PPP6C: variants seen among roughly 807,000 people sequenced by gnomAD.
The protein encoded by PPP6C is protein phosphatase 6 catalytic subunit.
PPP6C carries 11 observed loss-of-function variants against 39.8 expected under a neutral mutation model. That is an observed-to-expected ratio of 0.28 (90% CI 0.17 to 0.46). The LOEUF (loss-of-function observed/expected upper bound fraction) is 0.46. PPP6C is among the 20% of genes least tolerant of loss of function. PPP6C has a pLI of 1.00. For synonymous variants in PPP6C, 129 were observed against 130.3 expected, an observed-to-expected ratio of 0.99 and a Z score of 0.07; for missense variants, 211 against 373.9, an observed-to-expected ratio of 0.56 and a Z score of 3.59.
Position 125,153,027 on chromosome 9 carries a change from C to T in PPP6C, c.669+506G>A, listed in dbSNP as rs1564145788. On this transcript the variant is annotated intron_variant, in intron 6 of 6. Transcript: ENST00000373547. The stretch of plus-strand genomic sequence containing the variant: ...GTGGCTCACACCTATAATCCCAGCA[C>T]TTTGGGAGGCTGAGGCGGGTGGATC... Among the ~76,000 whole-genome samples the T allele has an allele frequency of 2.0e-5, 3 of 151,910 alleles. No individual in the cohort carries two copies. In the South Asian group the frequency reaches 6.2e-4, roughly 31 times the overall value.
intron 2 of PPP6C, among the ~76,000 whole-genome samples, chr9:125,166,776 T>C (rs925188288): frequency 2.6e-5 from 4 of 151,894 alleles, no homozygotes; most frequent in African/African-American, 9.7e-5. Flanking sequence ...TCAGGTGATC[T>C]GGTGCTGGGA....
chr9:125,154,384 A>C (rs1836020083), intron 4 of PPP6C, among the ~76,000 whole-genome samples: 1 of 152,200 alleles, frequency 6.6e-6, no homozygotes, highest in African/African-American at 2.4e-5. Context: ...ATAGTAACAC[A>C]ATGGTAAGTA....
At chr9:125,162,863 A>G (rs928223225) in intron 2 of PPP6C, among the ~76,000 whole-genome samples, 1 of 151,920 alleles carries the variant, frequency 6.6e-6, no homozygotes, top group African/African-American at 2.4e-5. Context: ...GGATCACCTG[A>G]GGTCAGGAGT....
At position 125,149,573 on chromosome 9, in the gene PPP6C, G is replaced by T; in HGVS notation, c.*100C>A. ...AAAAAAGGCAAGAGGCAGCATTTCA[G>T]CAGCAAAGTGCTCAATAAAAAGTAT... On this transcript the variant is annotated 3_prime_UTR_variant, in exon 7 of 7. Coordinates refer to ENST00000373547, the MANE Select transcript of PPP6C (RefSeq NM_002721.5). 2.3e-6 allele frequency: 3 copies of T among 1,312,452 alleles called. No individual in the cohort carries two copies. The highest frequency in any genetic ancestry group is 3.1e-6 in the Non-Finnish European group (3 of 974,022). The allele number at this position is 1,312,452 out of a possible 1,614,324, so 81.3% of individuals were successfully genotyped here. A position where few individuals can be genotyped will look rare whatever the true frequency, so the allele number is the denominator to read the frequency against.
At chr9:125,178,229 C>A (rs1417664436) in intron 1 of PPP6C, among the ~76,000 whole-genome samples, 1 of 152,124 alleles carries the variant, frequency 6.6e-6, no homozygotes, top group Admixed American at 6.6e-5. Flanking sequence ...ACTGCCAAAC[C>A]GTCTTCCAAA....
chr9:125,158,121 T>C, intron 4 of PPP6C, 120 bp downstream of exon 4: 2 of 996,396 alleles, frequency 2.0e-6, no homozygotes, highest in Non-Finnish European at 1.5e-6. Flanking sequence ...TTGGGAGGAG[T>C]GAAGGAGTGA....
intron 3 of PPP6C, 41 bp downstream of exon 3, chr9:125,160,800 C>G: frequency 7.3e-7 from 1 of 1,365,624 alleles, no homozygotes; most frequent in Non-Finnish European, 1.0e-6. Flanking sequence ...CAGATCCTTT[C>G]CATTTTAAAC....
At chr9:125,182,809 T>C (rs1434055717) in intron 1 of PPP6C, among the ~76,000 whole-genome samples, 1 of 149,984 alleles carries the variant, frequency 6.7e-6, no homozygotes, top group East Asian at 2.0e-4. Flanking sequence ...CAACCAAAAA[T>C]GTCTCCAGAC....
intron 2 of PPP6C, among the ~76,000 whole-genome samples, chr9:125,166,313 T>A (rs1829011031): frequency 6.6e-6 from 1 of 152,180 alleles, no homozygotes; most frequent in South Asian, 2.1e-4. Flanking sequence ...AAATTCCAAT[T>A]TTTCATTAGT....
chr9:125,184,097 T>A lies in PPP6C; in HGVS notation c.75+5547A>T, dbSNP rs541993974. On this transcript the variant is annotated intron_variant, in intron 1 of 6. Coordinates refer to ENST00000373547, the MANE Select transcript of PPP6C (RefSeq NM_002721.5). ...AGCAAGACGCTATCCCTTAAAAAAA[T>A]TTTTTTTTTGCCAGGCGCGGTGGCT... Among the ~76,000 whole-genome samples, 23 of 150,838 alleles carry A rather than the reference T, an allele frequency of 1.5e-4. 1 individual carries two copies. The highest frequency in any genetic ancestry group is 9.8e-4 in the East Asian group (5 of 5,128).
intron 1 of PPP6C, among the ~76,000 whole-genome samples, chr9:125,181,669 A>T (rs902988782): frequency 6.6e-6 from 1 of 152,164 alleles, no homozygotes; most frequent in African/African-American, 2.4e-5. Flanking sequence ...TCCATGGTGT[A>T]TATGTGCCAC....
At position 125,171,478 on chromosome 9, in the gene PPP6C, CATATATATATATATATATAT is replaced by C. The variant is rs59002869; in HGVS notation, c.76-318_76-299del. Among the ~76,000 whole-genome samples, 12 of 83,514 alleles carry C rather than the reference CATATATATATATATATATAT, an allele frequency of 1.4e-4. No homozygotes were observed. The South Asian group carries it at 2.4e-3, about 16-fold the overall frequency. The allele number at this position is 83,514 out of a possible 152,430, so 54.8% of individuals were successfully genotyped here. A position where few individuals can be genotyped will look rare whatever the true frequency, so the allele number is the denominator to read the frequency against. On this transcript the variant is annotated intron_variant, in intron 1 of 6. Transcript: ENST00000373547. ...ACACATATACACACACACACACACACATATATATATATATATATATATATATATATATATATATGAAGAAA... is the reference window on the plus strand; with the variant it reads ...ACACATATACACACACACACACACACATATATATATATATATATGAAGAAA...
intron 3 of PPP6C, among the ~76,000 whole-genome samples, chr9:125,159,312 G>T (rs1828804301): frequency 6.6e-6 from 1 of 150,880 alleles, no homozygotes; most frequent in South Asian, 2.1e-4. Context: ...GCCTCCCAAA[G>T]TGCTGGGATT....
chr9:125,176,921 G>A (rs1003197998), intron 1 of PPP6C, among the ~76,000 whole-genome samples: 1 of 152,086 alleles, frequency 6.6e-6, no homozygotes, highest in East Asian at 1.9e-4. Context: ...AGGATGACGC[G>A]GGATTTCTGG....
intron 4 of PPP6C, among the ~76,000 whole-genome samples, chr9:125,157,233 G>A (rs897710243): frequency 5.3e-5 from 8 of 149,934 alleles, no homozygotes; most frequent in Non-Finnish European, 1.0e-4. Context: ...CGCCCGCCTC[G>A]GCCTCCCAAA....
At chr9:125,185,617 C>T (rs1170668108) in intron 1 of PPP6C, among the ~76,000 whole-genome samples, 3 of 151,148 alleles carry the variant, frequency 2.0e-5, no homozygotes, top group Admixed American at 6.6e-5. Flanking sequence ...TCGCTTGAAT[C>T]CGGGAGGCGG....
At chr9:125,154,294 A>T (rs1047055337) in intron 4 of PPP6C, among the ~76,000 whole-genome samples, 4 of 152,186 alleles carry the variant, frequency 2.6e-5, no homozygotes, top group Non-Finnish European at 4.4e-5. Flanking sequence ...CCTACTACAC[A>T]CCTAGGCAAT....
At position 125,147,073 on chromosome 9, in the gene PPP6C, G is replaced by T. The variant is rs1277688196; in HGVS notation, c.*2600C>A. On this transcript the variant is annotated 3_prime_UTR_variant, in exon 7 of 7. Coordinates refer to ENST00000373547, the MANE Select transcript of PPP6C (RefSeq NM_002721.5). Reference sequence around the variant, plus strand: ...ATAGGAGCTGATGCAGATTGCATATGAGATGTACTGTTGATCCAGGTGTTT... The same window carrying T: ...ATAGGAGCTGATGCAGATTGCATATTAGATGTACTGTTGATCCAGGTGTTT... 6.6e-6 allele frequency: 1 copy of T among 152,194 alleles called. No homozygotes were observed. Among genetic ancestry groups the T allele is most frequent in the African/African-American group, 2.4e-5 (1 of 41,438 alleles). The allele number at this position is 152,194 out of a possible 1,614,324, so 9.4% of individuals were successfully genotyped here. A position where few individuals can be genotyped will look rare whatever the true frequency, so the allele number is the denominator to read the frequency against.
chr9:125,188,757 C>G (rs1227755635), intron 1 of PPP6C, among the ~76,000 whole-genome samples: 1 of 150,658 alleles, frequency 6.6e-6, no homozygotes, highest in African/African-American at 2.4e-5. Context: ...GCACTCCAGC[C>G]TGGGTGACAG....
Sources: gnomAD v4.1 joint callset for allele counts (sites outside exome capture counted in the v4.1 genomes callset) on GRCh38, gnomAD v4.1.1 for gene constraint, MANE v1.5 for transcripts, NCBI Gene and HGNC (gene_info 2026-07-23, HGNC 2026-07-21) for gene names.